ANO10: variants seen among roughly 807,000 people sequenced by gnomAD.
ANO10 encodes anoctamin-10.
Under a neutral mutation model 74.7 loss-of-function variants are expected in ANO10, and 77 were observed. The ratio of observed to expected loss-of-function variants is 1.03; its 90% CI spans 0.86 to 1.25. ANO10 has a LOEUF of 1.25. Ranked by LOEUF, ANO10 falls within the 50% of genes most tolerant of loss-of-function variation. The pLI, the probability that ANO10 is intolerant of heterozygous loss-of-function variation, is 0.00. For synonymous variants in ANO10, 279 were observed against 284.9 expected (o/e 0.98, Z 0.21); for missense variants, 721 against 778.1 (o/e 0.93, Z 0.87).
chr3:43,554,133 T>G (rs2079617277), intron 10 of ANO10, among the ~76,000 whole-genome samples: 1 of 152,092 alleles, frequency 6.6e-6, no homozygotes, highest in African/African-American at 2.4e-5. Context: ...GCTGACTGTC[T>G]TTTCTCATTA....
chr3:43,382,733 G>A (rs1360519182), intron 12 of ANO10, among the ~76,000 whole-genome samples: 1 of 152,154 alleles, frequency 6.6e-6, no homozygotes, highest in East Asian at 1.9e-4. Context: ...GATCATTCAG[G>A]CTACTATGAA....
At chr3:43,688,770 G>C (rs1002678414) in intron 1 of ANO10, among the ~76,000 whole-genome samples, 8 of 151,898 alleles carry the variant, frequency 5.3e-5, no homozygotes, top group African/African-American at 1.9e-4. Flanking sequence ...CTTGAACCTG[G>C]GAGGTGCAGG....
intron 1 of ANO10, among the ~76,000 whole-genome samples, chr3:43,608,422 T>A (rs1372578559): frequency 6.6e-6 from 1 of 152,084 alleles, no homozygotes; most frequent in Non-Finnish European, 1.5e-5. Flanking sequence ...GTGCCACCAT[T>A]CCCAGCTAAT....
chr3:43,376,986 T>C (rs1364897029), intron 12 of ANO10, among the ~76,000 whole-genome samples: 2 of 152,240 alleles, frequency 1.3e-5, no homozygotes, highest in Admixed American at 6.5e-5. Context: ...ATTGTCCCAA[T>C]TGTTCAGGTC....
chr3:43,670,723 A>T (rs554918424), intron 1 of ANO10, among the ~76,000 whole-genome samples: 1 of 152,296 alleles, frequency 6.6e-6, no homozygotes, highest in South Asian at 2.1e-4. Context: ...TTGGCACTAA[A>T]GTAGATCTAT....
intron 12 of ANO10, among the ~76,000 whole-genome samples, chr3:43,391,799 AG>A (rs2092280466): frequency 6.6e-6 from 1 of 152,202 alleles, no homozygotes; most frequent in Non-Finnish European, 1.5e-5. Flanking sequence ...AGATGCCTGC[AG>A]CCTCAGCCAT....
chr3:43,450,981 T>C (rs533914475), intron 11 of ANO10, among the ~76,000 whole-genome samples: 2 of 152,330 alleles, frequency 1.3e-5, no homozygotes, highest in South Asian at 2.1e-4. Context: ...ACTGATACCT[T>C]ACATAGTCAT....
chr3:43,499,756 AT>A (rs981386071), intron 11 of ANO10, among the ~76,000 whole-genome samples: 2 of 151,458 alleles, frequency 1.3e-5, no homozygotes, highest in African/African-American at 2.4e-5. Flanking sequence ...CTTTAGATAG[AT>A]TTTTTTTTAA....
chr3:43,617,057 A>C (rs924426867), intron 1 of ANO10, among the ~76,000 whole-genome samples: 1 of 150,986 alleles, frequency 6.6e-6, no homozygotes, highest in Non-Finnish European at 1.5e-5. Context: ...GTAAGGTGTA[A>C]AGCGGTGGAA....
intron 12 of ANO10, among the ~76,000 whole-genome samples, chr3:43,373,305 CA>C (rs2091684110): frequency 6.6e-6 from 1 of 152,086 alleles, no homozygotes; most frequent in Non-Finnish European, 1.5e-5. Context: ...TCTGCAGTTA[CA>C]GCTGTGTGGG....
At chr3:43,665,661 A>G (rs1182649460) in intron 1 of ANO10, among the ~76,000 whole-genome samples, 1 of 152,178 alleles carries the variant, frequency 6.6e-6, no homozygotes, top group Non-Finnish European at 1.5e-5. Context: ...ACACCTTTCT[A>G]AAAACATATT....
intron 9 of ANO10, 67 bp from the exon 10 acceptor site, chr3:43,555,536 A>G (rs1393751714): frequency 6.7e-7 from 1 of 1,502,210 alleles, no homozygotes; most frequent in East Asian, 2.4e-5. Context: ...TGCAATACTA[A>G]TCAAAGCTGT....
intron 2 of ANO10, 62 bp from the exon 3 acceptor site, chr3:43,600,643 T>G: frequency 7.5e-7 from 1 of 1,338,590 alleles, no homozygotes; most frequent in Non-Finnish European, 1.1e-6. Flanking sequence ...ACTAAAAACT[T>G]TCTAAATAAA....
chr3:43,644,491 C>T (rs933444293), intron 1 of ANO10, among the ~76,000 whole-genome samples: 1 of 152,186 alleles, frequency 6.6e-6, no homozygotes, highest in Admixed American at 6.5e-5. Context: ...ACAATGCACG[C>T]ACAGTGTGTC....
rs139521706 is a variant in ANO10, at chr3:43,396,500, G to A, written c.1915-29526C>T. Among the ~76,000 whole-genome samples the A allele has an allele frequency of 3.1e-3, 467 of 151,244 alleles. 4 individuals carry two copies. The highest frequency in any genetic ancestry group is 0.011 in the African/African-American group (445 of 41,244). The stretch of plus-strand genomic sequence containing the variant: ...ACTACAGGCGCCTGCCACCACACCC[G>A]GCTAATTTTTTGTATTTTTAGTAGA... On this transcript the variant is annotated intron_variant, in intron 12 of 12. Transcript: ENST00000292246.
intron 12 of ANO10, among the ~76,000 whole-genome samples, chr3:43,427,161 A>T (rs1202106600): frequency 6.6e-6 from 1 of 152,170 alleles, no homozygotes; most frequent in Non-Finnish European, 1.5e-5. Context: ...ATAAAAATAA[A>T]AAACTGAGGT....
In ANO10 at chr3:43,419,974, A is replaced by G. The variant is rs1054034127; in HGVS notation, c.1914+12637T>C. 6.6e-5 allele frequency among the ~76,000 whole-genome samples: 10 copies of G among 152,228 alleles called. No homozygotes were observed. In the East Asian group the frequency reaches 1.2e-3, roughly 18 times the overall value. ...TAAATCCAAACATTTCTTGTTTTCT[A>G]CATTCTATTCTTAAGAGAAAGAAAC... On this transcript the variant is annotated intron_variant, in intron 12 of 12. Transcript: ENST00000292246.
chr3:43,598,468 A>G, intron 4 of ANO10, 64 bp downstream of exon 4: 4 of 1,521,362 alleles, frequency 2.6e-6, no homozygotes, highest in Non-Finnish European at 3.6e-6. Flanking sequence ...AAGAGGGAAA[A>G]AAGGCATCTA....
intron 12 of ANO10, among the ~76,000 whole-genome samples, chr3:43,391,149 C>G (rs1042723224): frequency 2.0e-5 from 3 of 152,006 alleles, no homozygotes; most frequent in Non-Finnish European, 4.4e-5. Flanking sequence ...CTCATGTCAG[C>G]GTATATTTCT....
Sources: allele counts gnomAD v4.1 joint callset (sites outside exome capture counted in the v4.1 genomes callset), GRCh38; gene constraint gnomAD v4.1.1; transcripts MANE v1.5; gene names NCBI Gene and HGNC (gene_info 2026-07-23, HGNC 2026-07-21).